The following CFAP206 variants were observed in gnomAD, a reference collection of about 807,000 sequenced individuals.
The protein encoded by CFAP206 is cilia- and flagella-associated protein 206.
In CFAP206, 53 loss-of-function variants were observed where a neutral mutation model predicts 65.4. That is an observed-to-expected ratio of 0.81 (90% confidence interval 0.65 to 1.02). The LOEUF (loss-of-function observed/expected upper bound fraction) is 1.02. Ranked by LOEUF, CFAP206 falls within the 50% of genes least tolerant of loss-of-function variation. The pLI, the probability that CFAP206 is intolerant of heterozygous loss-of-function variation, is 0.00. For synonymous variants in CFAP206, 250 were observed against 254.4 expected (o/e 0.98, Z 0.17); for missense variants, 663 against 753.2 (o/e 0.88, Z 1.40).
intron 11 of CFAP206, chr6:87,444,764 C>A: frequency 2.1e-6 from 1 of 476,886 alleles, no homozygotes; most frequent in South Asian, 1.6e-5. Context: ...CTCTGATGTT[C>A]TGCAATTTTC....
intron 7 of CFAP206, among the ~76,000 whole-genome samples, chr6:87,422,447 T>C (rs1767956539): frequency 1.1e-5 from 1 of 92,082 alleles, no homozygotes; most frequent in Non-Finnish European, 2.0e-5. Context: ...CGAAACTCCA[T>C]CTCGAAAAAA....
intron 4 of CFAP206, among the ~76,000 whole-genome samples, 194 bp downstream of exon 4, chr6:87,414,094 G>A (rs1019608010): frequency 1.3e-5 from 2 of 152,122 alleles, no homozygotes; most frequent in African/African-American, 4.8e-5. Flanking sequence ...AGTGTTAAAA[G>A]TGAATTCCAA....
At chr6:87,412,081 C>A (rs1165060402) in intron 3 of CFAP206, among the ~76,000 whole-genome samples, 1 of 152,086 alleles carries the variant, frequency 6.6e-6, no homozygotes, top group Non-Finnish European at 1.5e-5. Context: ...TTTTCCATTC[C>A]CCCCAATTCC....
At chr6:87,459,715 T>C (rs1335594973) in intron 11 of CFAP206, among the ~76,000 whole-genome samples, 3 of 151,466 alleles carry the variant, frequency 2.0e-5, no homozygotes, top group Non-Finnish European at 4.4e-5. Flanking sequence ...CAGAAATTAT[T>C]TGGTCTTGCT....
rs1349216070 is a variant in CFAP206, at chr6:87,426,582, C to G, written c.897C>G (p.Ala299=). Residue 299 remains alanine, a synonymous_variant, in exon 8 of 13, where the codon GCC becomes GCG. Transcript: ENST00000369562. ...AAATGATGACAAAACAGTTAGGAGC[C>G]CATCTGGAACAACTAAAAATGACCA... ...EVEMMTKQLG[A]HLEQLKMTIK... 3.1e-6 allele frequency: 5 copies of G among 1,600,034 alleles called. No homozygotes were observed. In the East Asian group the frequency reaches 1.1e-4, roughly 36 times the overall value.
At chr6:87,424,790 T>G (rs1007705485) in intron 7 of CFAP206, among the ~76,000 whole-genome samples, 1 of 152,218 alleles carries the variant, frequency 6.6e-6, no homozygotes, top group African/African-American at 2.4e-5. Flanking sequence ...AATGTTTGTG[T>G]CATACAAAAA....
intron 7 of CFAP206, among the ~76,000 whole-genome samples, chr6:87,425,173 C>CA (rs1768017408): frequency 6.6e-6 from 1 of 152,190 alleles, no homozygotes; most frequent in Non-Finnish European, 1.5e-5. Context: ...TTCCAACAAG[C>CA]ATTCACGTGA....
At chr6:87,420,967 G>T (rs1211177882) in intron 7 of CFAP206, among the ~76,000 whole-genome samples, 6 of 152,042 alleles carry the variant, frequency 3.9e-5, no homozygotes, top group Non-Finnish European at 8.8e-5. Context: ...ATCAGTCTTA[G>T]TGACAATTAA....
intron 11 of CFAP206, among the ~76,000 whole-genome samples, chr6:87,446,712 T>G (rs1166714273): frequency 6.6e-6 from 1 of 152,174 alleles, no homozygotes; most frequent in African/African-American, 2.4e-5. Context: ...TTTAAAGTAG[T>G]TTTTCTAATC....
At chr6:87,461,283 T>C in intron 12 of CFAP206, 118 bp downstream of exon 12, 1 of 610,860 alleles carries the variant, frequency 1.6e-6, no homozygotes, top group Non-Finnish European at 2.5e-6. Flanking sequence ...ACAGAGTTCT[T>C]TGCTAACAAA....
At chr6:87,449,311 C>T (rs1768501385) in intron 11 of CFAP206, among the ~76,000 whole-genome samples, 4 of 151,970 alleles carry the variant, frequency 2.6e-5, no homozygotes, top group Middle Eastern at 6.8e-3. Flanking sequence ...GTGGCAGGTG[C>T]CTGTAGTCCC....
chr6:87,438,150 G>T (rs1768305281), intron 11 of CFAP206, among the ~76,000 whole-genome samples: 2 of 152,014 alleles, frequency 1.3e-5, no homozygotes, highest in South Asian at 4.1e-4. Flanking sequence ...AAAATTAGGA[G>T]GATTACATAA....
chr6:87,454,681 T>TA (rs1430033700), intron 11 of CFAP206, among the ~76,000 whole-genome samples: 1 of 150,890 alleles, frequency 6.6e-6, no homozygotes, highest in East Asian at 2.0e-4. Context: ...CTGTCTCTAC[T>TA]AAAAAAATAT....
At chr6:87,432,306 A>G (rs959311314) in intron 10 of CFAP206, among the ~76,000 whole-genome samples, 1 of 152,326 alleles carries the variant, frequency 6.6e-6, no homozygotes. Context: ...GGGAATAACA[A>G]AATATTTACT....
intron 11 of CFAP206, among the ~76,000 whole-genome samples, chr6:87,453,468 ATC>A (rs1768580845): frequency 6.6e-6 from 1 of 152,212 alleles, no homozygotes; most frequent in African/African-American, 2.4e-5. Flanking sequence ...AACTATTCAT[ATC>A]TCGAGTAGGA....
intron 12 of CFAP206, 50 bp downstream of exon 12, chr6:87,461,215 C>T (rs751754365): frequency 1.6e-6 from 2 of 1,275,976 alleles, no homozygotes; most frequent in Admixed American, 5.6e-5. Context: ...GAATTTTAAT[C>T]TATTGTTACT....
chr6:87,458,679 T>G (rs1252567916), intron 11 of CFAP206, among the ~76,000 whole-genome samples: 2 of 151,142 alleles, frequency 1.3e-5, no homozygotes, highest in Non-Finnish European at 3.0e-5. Flanking sequence ...TTGTGGGGAG[T>G]GAGAAATGGG....
intron 3 of CFAP206, among the ~76,000 whole-genome samples, chr6:87,412,502 T>C (rs925167362): frequency 2.6e-5 from 4 of 151,814 alleles, no homozygotes; most frequent in African/African-American, 9.7e-5. Flanking sequence ...ATATTCAATA[T>C]AAAGAGGCAA....
At chr6:87,451,953 C>A (rs759897457) in intron 11 of CFAP206, among the ~76,000 whole-genome samples, 16 of 151,934 alleles carry the variant, frequency 1.1e-4, no homozygotes, top group Non-Finnish European at 2.4e-4. Flanking sequence ...GACTAAAGAG[C>A]CCTTGAGCCT....
Sources: gnomAD v4.1 joint callset for allele counts (sites outside exome capture counted in the v4.1 genomes callset) on GRCh38, gnomAD v4.1.1 for gene constraint, MANE v1.5 for transcripts, NCBI Gene and HGNC (gene_info 2026-07-23, HGNC 2026-07-21) for gene names.